The following SLC38A11 variants were observed in gnomAD, a reference collection of about 807,000 sequenced individuals.
SLC38A11 encodes solute carrier family 38 member 11.
SLC38A11 carries 51 observed loss-of-function variants against 49.4 expected under a neutral mutation model. That is an observed-to-expected ratio of 1.03 (90% CI 0.83 to 1.30). The LOEUF (loss-of-function observed/expected upper bound fraction) is 1.30, where lower values mean the gene tolerates loss of function less well. SLC38A11 is among the 50% of genes most tolerant of loss of function. SLC38A11 has a pLI of 0.00. For synonymous variants in SLC38A11, 203 were observed against 192.9 expected, an observed-to-expected ratio of 1.05 and a Z score of -0.43; for missense variants, 574 against 556.2, an observed-to-expected ratio of 1.03 and a Z score of -0.32.
intron 7 of SLC38A11, among the ~76,000 whole-genome samples, chr2:164,930,178 T>C (rs1031524813): frequency 6.6e-6 from 1 of 151,988 alleles, no homozygotes; most frequent in Non-Finnish European, 1.5e-5. Flanking sequence ...CCTGGATACA[T>C]ACACCCTCCC....
intron 7 of SLC38A11, among the ~76,000 whole-genome samples, chr2:164,918,263 T>C (rs1685941304): frequency 6.6e-6 from 1 of 152,106 alleles, no homozygotes. Context: ...TGACTACGAA[T>C]ATTTTTTCAA....
intron 5 of SLC38A11, 29 bp from the exon 6 acceptor site, chr2:164,939,585 T>TA: frequency 6.7e-7 from 1 of 1,486,782 alleles, no homozygotes; most frequent in Non-Finnish European, 9.3e-7. Context: ...TATTAAATGT[T>TA]ACAGGTATAA....
chr2:164,927,176 C>T (rs1397144999), intron 7 of SLC38A11, among the ~76,000 whole-genome samples: 1 of 152,110 alleles, frequency 6.6e-6, no homozygotes, highest in Non-Finnish European at 1.5e-5. Flanking sequence ...CAGGATTTGT[C>T]CCCTCCAGAG....
rs750912069 is a variant in SLC38A11 at position 164,915,942 on chromosome 2, T to C, written c.649A>G (p.Lys217Glu). 6.2e-7 allele frequency: 1 copy of C among 1,601,322 alleles called. No individual in the cohort carries two copies. The highest frequency in any genetic ancestry group is 1.1e-5 in the South Asian group (1 of 89,446). The stretch of plus-strand genomic sequence containing the variant: ...CCGACCGCTTGAATGGCATTGGGCT[T>C]TGCAAATACCCAAGCGTCTTCTGTT... ...PKTEDAWVFA[K>E]PNAIQAVGVM... Residue 217 changes from lysine (K) to glutamate (E), a missense_variant, in exon 8 of 12, where the codon AAG becomes GAG. Physicochemically the swap from Lys to Glu is moderately conservative, Grantham distance 56. Transcript: ENST00000685975.
At chr2:164,953,260 T>C (rs1688643149) in intron 2 of SLC38A11, 1 of 152,596 alleles carries the variant, frequency 6.6e-6, no homozygotes, top group African/African-American at 2.4e-5. Flanking sequence ...GAGAGAAAAA[T>C]GAGAAGGCGA....
chr2:164,955,169 G>A, intron 1 of SLC38A11, 40 bp downstream of exon 1: 8 of 1,546,358 alleles, frequency 5.2e-6, no homozygotes, highest in Non-Finnish European at 7.0e-6. Flanking sequence ...TGAAATTTCC[G>A]GACAACTGGC....
intron 7 of SLC38A11, among the ~76,000 whole-genome samples, chr2:164,917,758 C>T (rs1056131560): frequency 4.6e-5 from 7 of 152,092 alleles, no homozygotes; most frequent in Non-Finnish European, 1.0e-4. Context: ...TGGTGTCCTA[C>T]TTTTTAAATC....
chr2:164,925,435 C>T (rs12328824), intron 7 of SLC38A11, among the ~76,000 whole-genome samples: 118,255 of 152,082 alleles, frequency 0.78, 46,281 homozygotes, highest in East Asian at 1. Flanking sequence ...TTCTTTGTCA[C>T]TAGGGTTCTA....
At chr2:164,919,977 A>G (rs1205795352) in intron 7 of SLC38A11, among the ~76,000 whole-genome samples, 2 of 152,076 alleles carry the variant, frequency 1.3e-5, no homozygotes, top group Non-Finnish European at 2.9e-5. Flanking sequence ...CCCCTGCCCA[A>G]ATGAAATAAC....
At chr2:164,911,563 T>G in intron 10 of SLC38A11, 73 bp downstream of exon 10, 1 of 718,188 alleles carries the variant, frequency 1.4e-6, no homozygotes, top group Non-Finnish European at 2.2e-6. Context: ...AACTGTATTA[T>G]TTATAAATCT....
chr2:164,897,876 A>T lies in SLC38A11; in HGVS notation c.*561T>A, dbSNP rs1180241227. ...CCTCACAGCCAGTCTATGATTCAGGATTCCTCACATGGAGAGGTCTTTGCT... is the reference window on the plus strand; with the variant it reads ...CCTCACAGCCAGTCTATGATTCAGGTTTCCTCACATGGAGAGGTCTTTGCT... On this transcript the variant is annotated 3_prime_UTR_variant, in exon 12 of 12. Coordinates refer to ENST00000685975, the MANE Select transcript of SLC38A11 (RefSeq NM_001351537.2). 6.6e-6 allele frequency: 1 copy of T among 152,452 alleles called. No individual in the cohort carries two copies. The highest frequency in any genetic ancestry group is 2.4e-5 in the African/African-American group (1 of 41,438). 9.4% of individuals were successfully genotyped at this position (152,452 alleles called of 1,614,324 possible). A position where few individuals can be genotyped will look rare whatever the true frequency, so the allele number is the denominator to read the frequency against.
At chr2:164,902,152 C>G (rs988715085) in intron 11 of SLC38A11, among the ~76,000 whole-genome samples, 1 of 151,528 alleles carries the variant, frequency 6.6e-6, no homozygotes, top group Non-Finnish European at 1.5e-5. Flanking sequence ...CCTCAGCATC[C>G]TGAGTTGTTG....
chr2:164,934,845 T>C (rs906870167), intron 7 of SLC38A11, among the ~76,000 whole-genome samples: 1 of 152,100 alleles, frequency 6.6e-6, no homozygotes, highest in African/African-American at 2.4e-5. Context: ...GAATTCAGCT[T>C]CAAAAACCAG....
intron 5 of SLC38A11, among the ~76,000 whole-genome samples, chr2:164,940,602 T>C (rs1017102997): frequency 2.6e-5 from 4 of 151,260 alleles, no homozygotes; most frequent in Non-Finnish European, 4.4e-5. Flanking sequence ...ATGACACTAC[T>C]TTTCTTAGAT....
At chr2:164,917,963 G>T (rs1352126561) in intron 7 of SLC38A11, among the ~76,000 whole-genome samples, 1 of 151,864 alleles carries the variant, frequency 6.6e-6, no homozygotes, top group Non-Finnish European at 1.5e-5. Flanking sequence ...AGATGTTACA[G>T]ATAGGAAAAT....
intron 1 of SLC38A11, 130 bp downstream of exon 1, chr2:164,955,079 T>A: frequency 1.2e-6 from 1 of 839,962 alleles, no homozygotes; most frequent in Non-Finnish European, 1.9e-6. Flanking sequence ...AAGGCAAAAC[T>A]TTTTGTCCCA....
rs1272031737 is a variant in SLC38A11 at position 164,955,379 on chromosome 2, C to T, written c.-132G>A. On this transcript the variant is annotated 5_prime_UTR_variant, in exon 1 of 12. Coordinates refer to ENST00000685975, the MANE Select transcript of SLC38A11 (RefSeq NM_001351537.2). ...CCGCAGAGCTGCAGGGAGCCAGTTC[C>T]ACGGGCGCCCCCTGCTCCCTCGGCA... The T allele has an allele frequency of 5.8e-6, 5 of 855,220 alleles. No homozygotes were observed. The highest frequency in any genetic ancestry group is 5.1e-5 in the African/African-American group (3 of 58,918). The allele number at this position is 855,220 out of a possible 1,614,324, so 53.0% of individuals were successfully genotyped here.
At chr2:164,953,576 A>C (rs1451901111) in intron 2 of SLC38A11, among the ~76,000 whole-genome samples, 3 of 152,100 alleles carry the variant, frequency 2.0e-5, no homozygotes, top group Non-Finnish European at 4.4e-5. Flanking sequence ...AATTGTAAAC[A>C]AGTCTTTGTC....
At chr2:164,921,471 G>GA in intron 7 of SLC38A11, among the ~76,000 whole-genome samples, 1 of 151,830 alleles carries the variant, frequency 6.6e-6, no homozygotes, top group East Asian at 1.9e-4. Flanking sequence ...ATAGGTACAT[G>GA]CCACCACACT....
Sources: gnomAD v4.1 joint callset for allele counts (sites outside exome capture counted in the v4.1 genomes callset) on GRCh38, gnomAD v4.1.1 for gene constraint, MANE v1.5 for transcripts, NCBI Gene and HGNC (gene_info 2026-07-23, HGNC 2026-07-21) for gene names.